Variants in PTDSS2 observed in about 807,000 individuals in gnomAD.
PTDSS2 encodes the protein PSS-2.
PTDSS2 carries 41 observed loss-of-function variants against 64.7 expected under a neutral mutation model. The ratio of observed to expected loss-of-function variants is 0.63; its 90% CI spans 0.49 to 0.82. PTDSS2 has a LOEUF of 0.82. PTDSS2 is among the 40% of genes least tolerant of loss of function. The pLI, the probability that PTDSS2 is intolerant of heterozygous loss-of-function variation, is 0.00. For missense variants in PTDSS2, 485 were observed against 650.0 expected (o/e 0.75, Z 2.76); for synonymous variants, 297 against 277.8 (o/e 1.07, Z -0.69).
Position 488,460 on chromosome 11 carries a change from C to T in PTDSS2, c.736-69C>T, listed in dbSNP as rs1848506590. On this transcript the variant is annotated intron_variant, in intron 7 of 11. Transcript: ENST00000308020. ...GGGGCATTCTCGGTTCCCCTGTGCTCTTCCGGGGTCCTCCTCGGGGGGCTC... is the reference window on the plus strand; with the variant it reads ...GGGGCATTCTCGGTTCCCCTGTGCTTTTCCGGGGTCCTCCTCGGGGGGCTC... The T allele has an allele frequency of 3.5e-6, 5 of 1,435,082 alleles. No individual in the cohort carries two copies. The African/African-American group carries it at 5.6e-5, about 16-fold the overall frequency. The allele number at this position is 1,435,082 out of a possible 1,614,324, so 88.9% of individuals were successfully genotyped here. A position where few individuals can be genotyped will look rare whatever the true frequency, so the allele number is the denominator to read the frequency against.
intron 1 of PTDSS2, among the ~76,000 whole-genome samples, chr11:452,515 G>A (rs1218688432): frequency 3.9e-5 from 6 of 152,232 alleles, no homozygotes; most frequent in African/African-American, 1.2e-4. Flanking sequence ...AGACGGCTGG[G>A]CGCAGCAGAG....
chr11:476,200 G>C lies in PTDSS2; in HGVS notation c.367+2223G>C, dbSNP rs1309063287. Among the ~76,000 whole-genome samples, 1 of 152,216 alleles carries C rather than the reference G, an allele frequency of 6.6e-6. No homozygotes were observed. The highest frequency in any genetic ancestry group is 2.4e-5 in the African/African-American group (1 of 41,452). The stretch of plus-strand genomic sequence containing the variant: ...CTGACAGCTGTGTGGGAAGGGCCCA[G>C]GGCCCTGTCTGCCCAGCCGGCTGAG... On this transcript the variant is annotated intron_variant, in intron 3 of 11. Transcript: ENST00000308020. This position sits in a 1 kb window ranked among gnomAD's most constrained non-coding sequence, Gnocchi z 4.9.
intron 2 of PTDSS2, among the ~76,000 whole-genome samples, chr11:467,846 C>T (rs1847210340): frequency 6.6e-6 from 1 of 152,030 alleles, no homozygotes; most frequent in African/African-American, 2.4e-5. Context: ...ACATAAAAAC[C>T]TGCATGCAGG....
chr11:489,469 C>T lies in PTDSS2; in HGVS notation c.924C>T (p.Ala308=), dbSNP rs778850694. The T allele has an allele frequency of 1.5e-5, 24 of 1,613,046 alleles. No homozygotes were observed. In the South Asian group the frequency reaches 2.5e-4, roughly 17 times the overall value. The change falls in exon 9 of 12, where the codon GCC becomes GCT. Residue 308 remains alanine (A), a synonymous_variant. Coordinates refer to ENST00000308020, the MANE Select transcript of PTDSS2 (RefSeq NM_030783.3). ...YSWVRFEWKP[A]SSLRRWLAVC... ...GGGTTCGCTTCGAGTGGAAGCCGGC[C>T]TCCAGCCTGCGTCGCTGGCTGGCCG...
At chr11:487,937 G>T (rs1394538617) in intron 6 of PTDSS2, among the ~76,000 whole-genome samples, 1 of 152,214 alleles carries the variant, frequency 6.6e-6, no homozygotes, top group Non-Finnish European at 1.5e-5. Context: ...AGACCTCACT[G>T]GGGGCCCTGC....
chr11:479,565 G>A lies in PTDSS2; in HGVS notation c.435+413G>A, dbSNP rs897863675. On this transcript the variant is annotated intron_variant, in intron 4 of 11. Transcript: ENST00000308020. This position sits in a 1 kb window ranked among gnomAD's most constrained non-coding sequence, Gnocchi z 4.2. ...GTGGGGACTGGGCGTGAAGGGAGCCGCAAGTCAGGTCCTGCGATGCAGGCC... is the reference window on the plus strand; with the variant it reads ...GTGGGGACTGGGCGTGAAGGGAGCCACAAGTCAGGTCCTGCGATGCAGGCC... 3 of 235,446 alleles carry A rather than the reference G, an allele frequency of 1.3e-5. No homozygotes were observed. The highest frequency in any genetic ancestry group is 2.5e-5 in the Non-Finnish European group (3 of 118,830). 14.6% of individuals were successfully genotyped at this position (235,446 alleles called of 1,614,324 possible). A position where few individuals can be genotyped will look rare whatever the true frequency, so the allele number is the denominator to read the frequency against.
In PTDSS2 at chr11:470,252, C is replaced by T. The variant is rs1367532103; in HGVS notation, c.285-3643C>T. ...CAGCATGCACTGGTCATGTTCATGG[C>T]GTGGCCGACGGGGAGGCTGCTGCCC... On this transcript the variant is annotated intron_variant, in intron 2 of 11. Coordinates refer to ENST00000308020, the MANE Select transcript of PTDSS2 (RefSeq NM_030783.3). This position sits in a 1 kb window ranked among gnomAD's most constrained non-coding sequence, Gnocchi z 5.3. Among the ~76,000 whole-genome samples, 4 of 152,196 alleles carry T rather than the reference C, an allele frequency of 2.6e-5. No individual in the cohort carries two copies. Among genetic ancestry groups the T allele is most frequent in the South Asian group, 4.1e-4 (2 of 4,830 alleles).
At chr11:483,847 T>G (rs1465225400) in intron 4 of PTDSS2, among the ~76,000 whole-genome samples, 3 of 152,146 alleles carry the variant, frequency 2.0e-5, no homozygotes, top group Non-Finnish European at 1.5e-5. Context: ...TTGTCTGGGG[T>G]GAAGGCGCGC....
At chr11:458,293 C>T (rs1371202238) in intron 1 of PTDSS2, among the ~76,000 whole-genome samples, 6 of 151,498 alleles carry the variant, frequency 4.0e-5, no homozygotes, top group African/African-American at 7.3e-5. Flanking sequence ...CAGGCTCCGC[C>T]TCCCGGGTTC....
intron 2 of PTDSS2, among the ~76,000 whole-genome samples, chr11:472,611 G>A (rs768229609): frequency 3.5e-4 from 53 of 152,206 alleles, no homozygotes; most frequent in Non-Finnish European, 6.8e-4. Flanking sequence ...CCAGGGGCCA[G>A]CGACCTTGTG....
intron 1 of PTDSS2, chr11:451,247 C>T (rs915710714): frequency 5.6e-6 from 2 of 354,968 alleles, no homozygotes; most frequent in Admixed American, 3.0e-5. Flanking sequence ...CACAACTCAG[C>T]CCTAGCTACA....
At chr11:488,076 C>T in intron 6 of PTDSS2, 123 bp from the exon 7 acceptor site, 2 of 673,412 alleles carry the variant, frequency 3.0e-6, no homozygotes, top group Admixed American at 2.3e-5. Flanking sequence ...CACCCGTGGG[C>T]AGGGCCGGGC....
At chr11:472,271 A>C (rs1432849251) in intron 2 of PTDSS2, among the ~76,000 whole-genome samples, 1 of 152,172 alleles carries the variant, frequency 6.6e-6, no homozygotes, top group Non-Finnish European at 1.5e-5. Flanking sequence ...CCTTGGAGGC[A>C]CAGCTGAGGT....
chr11:484,045 A>T (rs1414715035), intron 4 of PTDSS2, among the ~76,000 whole-genome samples: 1 of 152,154 alleles, frequency 6.6e-6, no homozygotes, highest in Non-Finnish European at 1.5e-5. Context: ...GTTGCCAGGA[A>T]TTCTTGTGCA....
At chr11:464,642 C>T (rs1355055444) in intron 2 of PTDSS2, among the ~76,000 whole-genome samples, 1 of 152,198 alleles carries the variant, frequency 6.6e-6, no homozygotes, top group Non-Finnish European at 1.5e-5. Flanking sequence ...CTGTGCCTGC[C>T]GGTGGGCTCA....
At chr11:487,683 C>T (rs574534965) in intron 6 of PTDSS2, among the ~76,000 whole-genome samples, 7 of 152,278 alleles carry the variant, frequency 4.6e-5, no homozygotes, top group African/African-American at 9.6e-5. Context: ...TCCTCAGGGT[C>T]GGGGCGGTGG....
chr11:489,972 A>G lies in PTDSS2; in HGVS notation c.1205A>G (p.His402Arg). 1 of 1,612,040 alleles carries G rather than the reference A, an allele frequency of 6.2e-7. No individual in the cohort carries two copies. The highest frequency in any genetic ancestry group is 8.5e-7 in the Non-Finnish European group (1 of 1,179,904). ...CTCATCGTGGTGAAGTACGACCCCC[A>G]CACGCTCACCCTGTCCCTGCCCTTC... ...ELLIVVKYDPHTLTLSLPFYI... is the reference protein window; with the variant it reads ...ELLIVVKYDPRTLTLSLPFYI... Residue 402 changes from histidine to arginine, a missense_variant, in exon 11 of 12, where the codon CAC (histidine) becomes CGC (arginine). By Grantham distance (29) the His-to-Arg change is conservative (BLOSUM62 0). Around this residue, in one of 3 missense-constraint regions of PTDSS2, gnomAD observed 219 missense variants for 257.3 expected, o/e 0.85. Transcript: ENST00000308020.
rs911115846 is a variant in PTDSS2 at position 460,658 on chromosome 11, G to A, written c.284+370G>A. ...CGGGGGTGAGGTTCCTGCGGTGGCCGCGTGCTGGTTCCGTTAGCCAGCGGG... is the reference window on the plus strand; with the variant it reads ...CGGGGGTGAGGTTCCTGCGGTGGCCACGTGCTGGTTCCGTTAGCCAGCGGG... On this transcript the variant is annotated intron_variant, in intron 2 of 11. Coordinates refer to ENST00000308020, the MANE Select transcript of PTDSS2 (RefSeq NM_030783.3). The surrounding 1 kb of genome is among the most constrained non-coding windows in gnomAD (Gnocchi z 5.8). 11 of 203,542 alleles carry A rather than the reference G, an allele frequency of 5.4e-5. No homozygotes were observed. The highest frequency in any genetic ancestry group is 1.3e-4 in the East Asian group (1 of 7,888). The allele number at this position is 203,542 out of a possible 1,614,324, so 12.6% of individuals were successfully genotyped here. A position where few individuals can be genotyped will look rare whatever the true frequency, so the allele number is the denominator to read the frequency against.
intron 1 of PTDSS2, among the ~76,000 whole-genome samples, chr11:454,074 C>G (rs1027490645): frequency 6.6e-6 from 1 of 152,252 alleles, no homozygotes; most frequent in African/African-American, 2.4e-5. Flanking sequence ...GAGCGGCACT[C>G]TGTCACTTCC....
Sources: gnomAD v4.1 joint callset for allele counts (sites outside exome capture counted in the v4.1 genomes callset) on GRCh38, gnomAD v4.1.1 for gene constraint, gnomAD v4.1.1 regional missense constraint, Gnocchi (gnomAD v3.1) non-coding constraint, MANE v1.5 for transcripts, NCBI Gene and HGNC (gene_info 2026-07-23, HGNC 2026-07-21) for gene names.